ACTN4: variants seen among roughly 807,000 people sequenced by gnomAD.
The protein encoded by ACTN4 is actinin alpha 4.
In ACTN4, 18 loss-of-function variants were observed where a neutral mutation model predicts 114.2. The observed-to-expected ratio is 0.16, with a 90% CI of 0.11 to 0.23. The LOEUF is 0.23. Ranked by LOEUF, ACTN4 falls within the 10% of genes least tolerant of loss-of-function variation. ACTN4 has a pLI of 1.00. For missense variants in ACTN4, 722 were observed against 1,262.9 expected (o/e 0.57, Z 6.49); for synonymous variants, 515 against 506.3 (o/e 1.02, Z -0.23).
Position 38,710,354 on chromosome 19 carries a change from G to A in ACTN4, c.819+12G>A, listed in dbSNP as rs763429247. 1.9e-6 allele frequency: 3 copies of A among 1,612,664 alleles called. No individual in the cohort carries two copies. The highest frequency in any genetic ancestry group is 3.3e-5 in the Admixed American group (2 of 60,032). ...CAGGAGCGCAGAAGGTACCGAGCAG[G>A]GCCAGGCAGGCCCTCCTCGCCGCCA... On this transcript the variant is annotated intron_variant, in intron 8 of 20. Coordinates refer to ENST00000252699, the MANE Select transcript of ACTN4 (RefSeq NM_004924.6).
chr19:38,670,789 G>A (rs1967103364), intron 1 of ACTN4, among the ~76,000 whole-genome samples: 1 of 152,042 alleles, frequency 6.6e-6, no homozygotes, highest in Non-Finnish European at 1.5e-5. Flanking sequence ...TGAGCGTGGT[G>A]GCTTGTGCTT....
At chr19:38,658,933 A>G (rs918499177) in intron 1 of ACTN4, among the ~76,000 whole-genome samples, 2 of 152,098 alleles carry the variant, frequency 1.3e-5, no homozygotes, top group South Asian at 2.1e-4. Flanking sequence ...AATGTCGGCT[A>G]TAATCACCCG....
intron 1 of ACTN4, among the ~76,000 whole-genome samples, chr19:38,673,928 C>T (rs1263794526): frequency 1.3e-5 from 2 of 149,496 alleles, no homozygotes; most frequent in African/African-American, 4.9e-5. Flanking sequence ...ATTACAGGTG[C>T]CTGCCACCAC....
At position 38,728,410 on chromosome 19, in the gene ACTN4, GCTCCTCCTCCTCCTC is replaced by G. The variant is rs371829169; in HGVS notation, c.2418+410_2418+424del. ...TGCAGCTCTGTCTCCCCAGCCACCC[GCTCCTCCTCCTCCTC>G]CTCCTCCTCCTCCTCCTCCTCCTCC... is the stretch of plus-strand genomic sequence containing the variant. On this transcript the variant is annotated intron_variant, in intron 19 of 20. Coordinates refer to ENST00000252699, the MANE Select transcript of ACTN4 (RefSeq NM_004924.6). The G allele has an allele frequency of 1.3e-3, 1,030 of 772,070 alleles. 14 individuals are homozygous for G. In the African/African-American group the frequency reaches 0.021, roughly 16 times the overall value. The allele number at this position is 772,070 out of a possible 1,614,324, so 47.8% of individuals were successfully genotyped here.
chr19:38,648,927 G>T lies in ACTN4; in HGVS notation c.162+1020G>T, dbSNP rs138376337. Among the ~76,000 whole-genome samples the T allele has an allele frequency of 9.2e-5, 14 of 151,916 alleles. No homozygotes were observed. The East Asian group carries it at 2.5e-3, about 28-fold the overall frequency. ...ATGGTGGATAATGGGAGAGAGGTTC[G>T]TTTAGGAAAATGAAAGTCTCATTAG... On this transcript the variant is annotated intron_variant, in intron 1 of 20. Coordinates refer to ENST00000252699, the MANE Select transcript of ACTN4 (RefSeq NM_004924.6).
chr19:38,709,251 A>T (rs978856162), intron 6 of ACTN4, 144 bp from the exon 7 acceptor site: 8 of 735,460 alleles, frequency 1.1e-5, no homozygotes, highest in Non-Finnish European at 1.3e-5. Flanking sequence ...TCCCGCTCAC[A>T]CATCACACGT....
Position 38,731,336 on chromosome 19 carries a change from A to G in ACTN4, c.*1904A>G, listed in dbSNP as rs1043021565. ...GAATGCCACAGGGTGTCACACCCCA[A>G]CTCTGCCCCATCCCGGCAGGGTGAG... On this transcript the variant is annotated 3_prime_UTR_variant, in exon 21 of 21. Coordinates refer to ENST00000252699, the MANE Select transcript of ACTN4 (RefSeq NM_004924.6). 2 of 773,162 alleles carry G rather than the reference A, an allele frequency of 2.6e-6. No individual in the cohort carries two copies. The highest frequency in any genetic ancestry group is 1.7e-5 in the African/African-American group (1 of 58,900). The allele number at this position is 773,162 out of a possible 1,614,324, so 47.9% of individuals were successfully genotyped here.
intron 11 of ACTN4, among the ~76,000 whole-genome samples, chr19:38,718,791 G>C (rs1247191534): frequency 6.6e-6 from 1 of 152,214 alleles, no homozygotes; most frequent in Non-Finnish European, 1.5e-5. Context: ...CCCGCACCCT[G>C]TGTTCAGAGT....
At chr19:38,691,576 AGT>A (rs1967932680) in intron 1 of ACTN4, among the ~76,000 whole-genome samples, 1 of 151,944 alleles carries the variant, frequency 6.6e-6, no homozygotes, top group Non-Finnish European at 1.5e-5. Context: ...GTCTTAGACC[AGT>A]ATTTCTCATG....
chr19:38,656,746 A>C (rs1976722668), intron 1 of ACTN4, among the ~76,000 whole-genome samples: 1 of 152,222 alleles, frequency 6.6e-6, no homozygotes. Flanking sequence ...GGAATAAAGA[A>C]GACTTTGTGG....
intron 1 of ACTN4, among the ~76,000 whole-genome samples, chr19:38,652,416 G>A (rs540773333): frequency 1.3e-5 from 2 of 152,174 alleles, no homozygotes; most frequent in Non-Finnish European, 2.9e-5. Flanking sequence ...GCCTGGGACT[G>A]CAGGGTCACT....
At chr19:38,674,133 G>T (rs549862572) in intron 1 of ACTN4, among the ~76,000 whole-genome samples, 4 of 152,214 alleles carry the variant, frequency 2.6e-5, no homozygotes, top group Non-Finnish European at 5.9e-5. Flanking sequence ...GACAGTGGGG[G>T]ACTTGCAATA....
chr19:38,704,815 CA>C, intron 3 of ACTN4, 118 bp from the exon 4 acceptor site: 1 of 836,996 alleles, frequency 1.2e-6, no homozygotes, highest in Non-Finnish European at 2.0e-6. Flanking sequence ...GAGATGCAAC[CA>C]GGGGGTGGTT....
At chr19:38,688,409 A>AAAC (rs1967815318) in intron 1 of ACTN4, among the ~76,000 whole-genome samples, 2 of 148,186 alleles carry the variant, frequency 1.3e-5, no homozygotes, top group Non-Finnish European at 3.0e-5. Flanking sequence ...AAAAAAAAAA[A>AAAC]AACCCACAAA....
At chr19:38,692,778 C>G (rs1345346375) in intron 1 of ACTN4, among the ~76,000 whole-genome samples, 1 of 152,154 alleles carries the variant, frequency 6.6e-6, no homozygotes, top group East Asian at 1.9e-4. Context: ...CCCCTGTGTC[C>G]AAGCCCTGGA....
rs1253617268 is a variant in ACTN4, at chr19:38,727,635, C to CA, written c.2338-311_2338-310insA. Among the ~76,000 whole-genome samples the CA allele has an allele frequency of 1.4e-5, 2 of 140,786 alleles. No individual in the cohort carries two copies. The highest frequency in any genetic ancestry group is 7.1e-5 in the Admixed American group (1 of 14,098). 92.4% of individuals were successfully genotyped at this position (140,786 alleles called of 152,430 possible). A position where few individuals can be genotyped will look rare whatever the true frequency, so the allele number is the denominator to read the frequency against. ...TCCCAAAGGCAAGGAGAACCCCCCC[C>CA]CCGACCCTCCACCAGTCCTGGGACT... On this transcript the variant is annotated intron_variant, in intron 18 of 20. Transcript: ENST00000252699. This position sits in a 1 kb window ranked among gnomAD's most constrained non-coding sequence, Gnocchi z 5.4.
chr19:38,679,632 C>T (rs1438646832), intron 1 of ACTN4, among the ~76,000 whole-genome samples: 2 of 151,176 alleles, frequency 1.3e-5, no homozygotes, highest in Non-Finnish European at 2.9e-5. Flanking sequence ...CGCCCTGTCA[C>T]CCAGGCTGGA....
chr19:38,663,694 C>T (rs1012889999), intron 1 of ACTN4, among the ~76,000 whole-genome samples: 8 of 152,202 alleles, frequency 5.3e-5, no homozygotes, highest in African/African-American at 1.9e-4. Flanking sequence ...GTTCCTGTCC[C>T]CATGAGCATC....
intron 1 of ACTN4, among the ~76,000 whole-genome samples, chr19:38,694,815 C>T (rs934200156): frequency 2.6e-5 from 4 of 152,146 alleles, no homozygotes; most frequent in African/African-American, 7.2e-5. Flanking sequence ...AGCAATTAGC[C>T]GTTATAGCAT....
Sources: allele counts gnomAD v4.1 joint callset (sites outside exome capture counted in the v4.1 genomes callset), GRCh38; gene constraint gnomAD v4.1.1; non-coding constraint Gnocchi (gnomAD v3.1); transcripts MANE v1.5; gene names NCBI Gene and HGNC (gene_info 2026-07-23, HGNC 2026-07-21).